The following CAMKMT variants were observed in gnomAD, a reference collection of about 807,000 sequenced individuals.
CAMKMT encodes the protein CaM KMT.
In CAMKMT, 53 loss-of-function variants were observed where a neutral mutation model predicts 48.0. The observed-to-expected ratio is 1.10, with a 90% confidence interval of 0.89 to 1.39. CAMKMT has a LOEUF of 1.39. CAMKMT is among the 40% of genes most tolerant of loss of function. CAMKMT has a pLI of 0.00. For missense variants in CAMKMT, 428 were observed against 402.7 expected, an observed-to-expected ratio of 1.06 and a Z score of -0.54; for synonymous variants, 165 against 152.3, an observed-to-expected ratio of 1.08 and a Z score of -0.61.
Position 44,657,162 on chromosome 2 carries a change from G to A in CAMKMT, c.377-47121G>A, listed in dbSNP as rs1169787163. Among the ~76,000 whole-genome samples, 1 of 152,180 alleles carries A rather than the reference G, an allele frequency of 6.6e-6. No homozygotes were observed. The highest frequency in any genetic ancestry group is 1.5e-5 in the Non-Finnish European group (1 of 68,036). ...GCCCCACCTGAAATCCAGTTTGTAT[G>A]AGAGCCATATGAAGGCCATCCCGTG... On this transcript the variant is annotated intron_variant, in intron 3 of 10. Transcript: ENST00000378494. This position sits in a 1 kb window ranked among gnomAD's most constrained non-coding sequence, Gnocchi z 4.3.
chr2:44,604,692 A>G (rs1169417412), intron 3 of CAMKMT, among the ~76,000 whole-genome samples: 1 of 151,960 alleles, frequency 6.6e-6, no homozygotes, highest in Non-Finnish European at 1.5e-5. Flanking sequence ...AACTTTCAGG[A>G]TCTCCATCTT....
intron 2 of CAMKMT, among the ~76,000 whole-genome samples, chr2:44,383,382 C>G (rs1303969578): frequency 6.6e-6 from 1 of 152,134 alleles, no homozygotes; most frequent in Non-Finnish European, 1.5e-5. Context: ...CCAAGCTGGT[C>G]TCAAACTCCT....
At chr2:44,387,309 G>T (rs572714287) in intron 2 of CAMKMT, among the ~76,000 whole-genome samples, 5 of 151,714 alleles carry the variant, frequency 3.3e-5, no homozygotes, top group Non-Finnish European at 5.9e-5. Context: ...TTTAAGGTTT[G>T]TTTTGTCTGA....
intron 3 of CAMKMT, among the ~76,000 whole-genome samples, chr2:44,582,500 G>C (rs1337642263): frequency 1.3e-5 from 2 of 152,116 alleles, no homozygotes; most frequent in Non-Finnish European, 2.9e-5. Context: ...GTTTTATAAA[G>C]GTCAGTGGTT....
At chr2:44,453,769 C>A (rs552645034) in intron 3 of CAMKMT, among the ~76,000 whole-genome samples, 1 of 152,000 alleles carries the variant, frequency 6.6e-6, no homozygotes, top group African/African-American at 2.4e-5. Flanking sequence ...ACTGAAACAT[C>A]ATTTCTAGAA....
At chr2:44,594,946 GAACTT>G (rs1258394480) in intron 3 of CAMKMT, among the ~76,000 whole-genome samples, 2 of 152,052 alleles carry the variant, frequency 1.3e-5, no homozygotes, top group Non-Finnish European at 2.9e-5. Flanking sequence ...AATCTACAAA[GAACTT>G]AAATTTACAA....
chr2:44,652,531 G>A (rs1435029255), intron 3 of CAMKMT, among the ~76,000 whole-genome samples: 1 of 152,140 alleles, frequency 6.6e-6, no homozygotes, highest in East Asian at 1.9e-4. Context: ...TGGTTGACTA[G>A]GCTTTGAATT....
rs1174344846 is a variant in CAMKMT at position 44,627,697 on chromosome 2, C to CTTTTTTTTTTTTTTTTTTTTTTT, written c.377-76578_377-76556dup. Among the ~76,000 whole-genome samples the CTTTTTTTTTTTTTTTTTTTTTTT allele has an allele frequency of 2.7e-5, 2 of 75,098 alleles. 1 individual carries two copies. Among genetic ancestry groups the CTTTTTTTTTTTTTTTTTTTTTTT allele is most frequent in the Non-Finnish European group, 4.8e-5 (2 of 41,774 alleles). The allele number at this position is 75,098 out of a possible 152,430, so 49.3% of individuals were successfully genotyped here. On this transcript the variant is annotated intron_variant, in intron 3 of 10. Coordinates refer to ENST00000378494, the MANE Select transcript of CAMKMT (RefSeq NM_024766.5). ...TTATTTATAATGGTCCCATTTTATC[C>CTTTTTTTTTTTTTTTTTTTTTTT]TTTTTTTTTTTTTTTTTTTTTTTTT...
intron 3 of CAMKMT, among the ~76,000 whole-genome samples, chr2:44,659,201 T>TCAAATGCTCA (rs1674544213): frequency 6.6e-6 from 1 of 151,640 alleles, no homozygotes; most frequent in Non-Finnish European, 1.5e-5. Flanking sequence ...CAGGAGGATT[T>TCAAATGCTCA]CTTGAGCCCA....
chr2:44,600,916 G>A lies in CAMKMT; in HGVS notation c.377-103367G>A, dbSNP rs1179593369. Among the ~76,000 whole-genome samples the A allele has an allele frequency of 1.3e-5, 2 of 152,170 alleles. 1 individual carries two copies. Among genetic ancestry groups the A allele is most frequent in the South Asian group, 4.1e-4 (2 of 4,828 alleles). On this transcript the variant is annotated intron_variant, in intron 3 of 10. Transcript: ENST00000378494. ...TATGTAAGATGTGGCTAACAATTTT[G>A]ATAACTGTACATTAGAGTGTGTCAA... is the stretch of plus-strand genomic sequence containing the variant.
chr2:44,548,520 C>T lies in CAMKMT; in HGVS notation c.377-155763C>T, dbSNP rs149450141. ...ACCCTCTCCCAGGTATTTAGCCATA[C>T]GTTATCTAGATACTGCTGTGGAAGG... On this transcript the variant is annotated intron_variant, in intron 3 of 10. Coordinates refer to ENST00000378494, the MANE Select transcript of CAMKMT (RefSeq NM_024766.5). 1.5e-3 allele frequency among the ~76,000 whole-genome samples: 221 copies of T among 152,252 alleles called. 2 individuals are homozygous for T. The highest frequency in any genetic ancestry group is 4.8e-3 in the African/African-American group (199 of 41,544).
intron 3 of CAMKMT, among the ~76,000 whole-genome samples, chr2:44,661,204 A>C (rs1330422378): frequency 6.6e-6 from 1 of 151,952 alleles, no homozygotes; most frequent in African/African-American, 2.4e-5. Flanking sequence ...TAATTTACAG[A>C]GTGGCATTAG....
At chr2:44,717,892 C>A (rs2104309466) in intron 7 of CAMKMT, among the ~76,000 whole-genome samples, 1 of 151,670 alleles carries the variant, frequency 6.6e-6, no homozygotes. Context: ...GGCACCCAAG[C>A]TCCTATTCCC....
chr2:44,583,819 A>G (rs1168487995), intron 3 of CAMKMT, among the ~76,000 whole-genome samples: 2 of 150,790 alleles, frequency 1.3e-5, no homozygotes, highest in African/African-American at 2.4e-5. Context: ...GAAAGAAAAA[A>G]GAAGGAAGGA....
chr2:44,531,608 T>C lies in CAMKMT; in HGVS notation c.376+141303T>C, dbSNP rs372326927. On this transcript the variant is annotated intron_variant, in intron 3 of 10. Coordinates refer to ENST00000378494, the MANE Select transcript of CAMKMT (RefSeq NM_024766.5). ...TTCTGGTCATGTATCCCTTTTTTCA[T>C]AGGGCTTTCCACTTTATGATTATTG... is the stretch of plus-strand genomic sequence containing the variant. 1.3e-4 allele frequency among the ~76,000 whole-genome samples: 20 copies of C among 152,280 alleles called. No individual in the cohort carries two copies. In the East Asian group the frequency reaches 1.9e-3, roughly 15 times the overall value.
chr2:44,531,191 G>C (rs1666465643), intron 3 of CAMKMT, among the ~76,000 whole-genome samples: 1 of 151,922 alleles, frequency 6.6e-6, no homozygotes, highest in Non-Finnish European at 1.5e-5. Context: ...AATAGTTTTT[G>C]TTCTGCGCGG....
chr2:44,651,618 T>A (rs1384890489), intron 3 of CAMKMT, among the ~76,000 whole-genome samples: 1 of 152,208 alleles, frequency 6.6e-6, no homozygotes, highest in Non-Finnish European at 1.5e-5. Flanking sequence ...GTGGCATCTA[T>A]GATTGCAGTT....
chr2:44,655,943 A>C (rs1674355134), intron 3 of CAMKMT, among the ~76,000 whole-genome samples: 1 of 152,248 alleles, frequency 6.6e-6, no homozygotes, highest in Non-Finnish European at 1.5e-5. Flanking sequence ...TAAAAGAGAC[A>C]TGAAATTAAA....
chr2:44,461,845 G>A (rs1377305235), intron 3 of CAMKMT, among the ~76,000 whole-genome samples: 2 of 152,046 alleles, frequency 1.3e-5, no homozygotes, highest in Admixed American at 6.6e-5. Flanking sequence ...TAAGGGTAGG[G>A]CCAGAATTCC....
Sources: allele counts gnomAD v4.1 joint callset (sites outside exome capture counted in the v4.1 genomes callset), GRCh38; gene constraint gnomAD v4.1.1; non-coding constraint Gnocchi (gnomAD v3.1); transcripts MANE v1.5; gene names NCBI Gene and HGNC (gene_info 2026-07-23, HGNC 2026-07-21).